Variants in CAMK1D observed in about 807,000 individuals in gnomAD.
CAMK1D encodes the protein calcium/calmodulin dependent protein kinase ID.
In CAMK1D, 9 loss-of-function variants were observed where a neutral mutation model predicts 47.7. The ratio of observed to expected loss-of-function variants is 0.19; its 90% CI spans 0.11 to 0.33. The LOEUF (loss-of-function observed/expected upper bound fraction) is 0.33. Ranked by LOEUF, CAMK1D falls within the 10% of genes least tolerant of loss-of-function variation. CAMK1D has a pLI of 1.00. For missense variants in CAMK1D, 291 were observed against 488.7 expected (o/e 0.60, Z 3.81); for synonymous variants, 184 against 184.9 (o/e 0.99, Z 0.04).
rs536925975 is a variant in CAMK1D, at chr10:12,595,517, C to T, written c.224+42161C>T. ...TTGGGCCTGGTCCCTGGGACCTTTG[C>T]ATCTGAGGTGGGGTGATTGATCCAG... On this transcript the variant is annotated intron_variant, in intron 2 of 10. Transcript: ENST00000619168. 3.9e-5 allele frequency among the ~76,000 whole-genome samples: 6 copies of T among 152,128 alleles called. No individual in the cohort carries two copies. In the South Asian group the frequency reaches 1.2e-3, roughly 32 times the overall value.
chr10:12,779,843 G>A (rs1837415374), intron 5 of CAMK1D, among the ~76,000 whole-genome samples: 1 of 152,146 alleles, frequency 6.6e-6, no homozygotes, highest in Non-Finnish European at 1.5e-5. Flanking sequence ...TCAGAAATAA[G>A]AAGGAACATG....
At chr10:12,598,484 C>T (rs1485872888) in intron 2 of CAMK1D, among the ~76,000 whole-genome samples, 1 of 152,202 alleles carries the variant, frequency 6.6e-6, no homozygotes, top group East Asian at 1.9e-4. Flanking sequence ...CAGCATTTTC[C>T]ATATCTCAGG....
At chr10:12,460,356 G>A (rs1833387648) in intron 1 of CAMK1D, among the ~76,000 whole-genome samples, 1 of 151,888 alleles carries the variant, frequency 6.6e-6, no homozygotes, top group African/African-American at 2.4e-5. Flanking sequence ...GAACTCCTGG[G>A]CTCAAGCGAT....
chr10:12,741,357 T>C (rs1026703843), intron 3 of CAMK1D, among the ~76,000 whole-genome samples: 2 of 152,154 alleles, frequency 1.3e-5, no homozygotes, highest in Non-Finnish European at 2.9e-5. Context: ...CACAGATGGG[T>C]AAATGCATCT....
Position 12,438,076 on chromosome 10 carries a change from T to C in CAMK1D, c.92+88166T>C, listed in dbSNP as rs114557054. The stretch of plus-strand genomic sequence containing the variant: ...ACTGTTTAGGTGCAGTGAATTGCTC[T>C]TTAGTTAGGATGGTGGGAACCCTCC... On this transcript the variant is annotated intron_variant, in intron 1 of 10. Transcript: ENST00000619168. Among the ~76,000 whole-genome samples, 168 of 152,302 alleles carry C rather than the reference T, an allele frequency of 1.1e-3. 1 individual carries two copies. Among genetic ancestry groups the C allele is most frequent in the African/African-American group, 3.8e-3 (159 of 41,560 alleles).
At chr10:12,716,092 C>G (rs1350809086) in intron 3 of CAMK1D, among the ~76,000 whole-genome samples, 2 of 152,088 alleles carry the variant, frequency 1.3e-5, no homozygotes, top group Admixed American at 1.3e-4. Context: ...CATCTATCGT[C>G]AAGTTCTAGG....
intron 6 of CAMK1D, among the ~76,000 whole-genome samples, chr10:12,795,249 G>A (rs1197619801): frequency 6.6e-6 from 1 of 152,206 alleles, no homozygotes; most frequent in Non-Finnish European, 1.5e-5. Flanking sequence ...TGGCCTGTGT[G>A]AGGGCTCATG....
At chr10:12,728,578 G>A (rs1350182894) in intron 3 of CAMK1D, among the ~76,000 whole-genome samples, 6 of 152,162 alleles carry the variant, frequency 3.9e-5, no homozygotes, top group Non-Finnish European at 5.9e-5. Flanking sequence ...TGCACTGTTG[G>A]TGTGATAATA....
chr10:12,648,430 G>C (rs925265544), intron 2 of CAMK1D, among the ~76,000 whole-genome samples: 3 of 152,174 alleles, frequency 2.0e-5, no homozygotes, highest in Non-Finnish European at 4.4e-5. Flanking sequence ...TACTCCGCTA[G>C]ATGGACTTCA....
chr10:12,647,599 A>T (rs1039972917), intron 2 of CAMK1D, among the ~76,000 whole-genome samples: 1 of 152,196 alleles, frequency 6.6e-6, no homozygotes. Flanking sequence ...GCTGACTTTC[A>T]GTTGGGCGGG....
chr10:12,701,811 T>C (rs1370212872), intron 3 of CAMK1D, among the ~76,000 whole-genome samples: 1 of 152,188 alleles, frequency 6.6e-6, no homozygotes, highest in Non-Finnish European at 1.5e-5. Flanking sequence ...GTGACAGAAG[T>C]GGATTTCTCA....
chr10:12,820,588 C>A (rs1832979959), intron 8 of CAMK1D, among the ~76,000 whole-genome samples: 1 of 152,196 alleles, frequency 6.6e-6, no homozygotes, highest in South Asian at 2.1e-4. Context: ...CCGAGAGCAT[C>A]ATCTCTTATT....
At chr10:12,615,448 G>A (rs1838754549) in intron 2 of CAMK1D, among the ~76,000 whole-genome samples, 1 of 150,596 alleles carries the variant, frequency 6.6e-6, no homozygotes, top group Non-Finnish European at 1.5e-5. Context: ...GTGTGTGCAT[G>A]TGTGTGTGTA....
At chr10:12,527,935 G>T (rs1835680079) in intron 1 of CAMK1D, among the ~76,000 whole-genome samples, 1 of 152,154 alleles carries the variant, frequency 6.6e-6, no homozygotes, top group Non-Finnish European at 1.5e-5. Context: ...ACAAATAGTG[G>T]CATAATATTT....
chr10:12,628,939 T>C (rs1354602969), intron 2 of CAMK1D, among the ~76,000 whole-genome samples: 1 of 152,208 alleles, frequency 6.6e-6, no homozygotes, highest in African/African-American at 2.4e-5. Context: ...TTAAGTGGCT[T>C]GATAGCTTAT....
intron 1 of CAMK1D, among the ~76,000 whole-genome samples, chr10:12,355,297 G>A (rs1453433970): frequency 6.6e-6 from 1 of 152,134 alleles, no homozygotes; most frequent in Non-Finnish European, 1.5e-5. Flanking sequence ...AGAAACTTCC[G>A]TGGGTCAAGC....
At chr10:12,721,231 G>A (rs764290711) in intron 3 of CAMK1D, among the ~76,000 whole-genome samples, 3 of 152,190 alleles carry the variant, frequency 2.0e-5, no homozygotes, top group East Asian at 1.9e-4. Context: ...TCAATTACTC[G>A]ATAAGTAATT....
At chr10:12,361,240 A>G (rs1200396409) in intron 1 of CAMK1D, among the ~76,000 whole-genome samples, 1 of 117,700 alleles carries the variant, frequency 8.5e-6, no homozygotes, top group African/African-American at 3.0e-5. Flanking sequence ...AAGACTTCCT[A>G]TTTGACTGTT....
chr10:12,400,172 G>A (rs1311469960), intron 1 of CAMK1D, among the ~76,000 whole-genome samples: 1 of 152,174 alleles, frequency 6.6e-6, no homozygotes, highest in Admixed American at 6.5e-5. Flanking sequence ...AGGTAGGTAG[G>A]TTTTTAACTC....
Sources: gnomAD v4.1 joint callset for allele counts (sites outside exome capture counted in the v4.1 genomes callset) on GRCh38, gnomAD v4.1.1 for gene constraint, MANE v1.5 for transcripts, NCBI Gene and HGNC (gene_info 2026-07-23, HGNC 2026-07-21) for gene names.